VWA8: variants seen among roughly 807,000 people sequenced by gnomAD.
VWA8 encodes von Willebrand factor A domain containing 8.
In VWA8, 221 loss-of-function variants were observed where a neutral mutation model predicts 241.5. The observed-to-expected ratio is 0.91, with a 90% CI of 0.82 to 1.02. The LOEUF (loss-of-function observed/expected upper bound fraction) is 1.02. VWA8 is among the 50% of genes least tolerant of loss of function. VWA8 has a pLI of 0.00. For missense variants in VWA8, 2,322 were observed against 2,328.7 expected, an observed-to-expected ratio of 1.00 and a Z score of 0.06; for synonymous variants, 852 against 827.1, an observed-to-expected ratio of 1.03 and a Z score of -0.52.
At chr13:41,765,803 G>A (rs574200935) in intron 20 of VWA8, among the ~76,000 whole-genome samples, 11 of 152,142 alleles carry the variant, frequency 7.2e-5, no homozygotes, top group Non-Finnish European at 1.5e-4. Context: ...ACATGAAATT[G>A]ATAAATTTTT....
chr13:41,879,295 T>G (rs1874053596), intron 9 of VWA8, among the ~76,000 whole-genome samples: 1 of 151,952 alleles, frequency 6.6e-6, no homozygotes, highest in African/African-American at 2.4e-5. Context: ...CACATGGTTC[T>G]TAATATCCAC....
chr13:41,752,168 G>A (rs1342256231), intron 21 of VWA8, among the ~76,000 whole-genome samples: 1 of 152,010 alleles, frequency 6.6e-6, no homozygotes, highest in Non-Finnish European at 1.5e-5. Flanking sequence ...GTATGATCTG[G>A]ATCACCTCCT....
chr13:41,642,120 G>GT (rs1350763775), intron 37 of VWA8, among the ~76,000 whole-genome samples: 12 of 152,186 alleles, frequency 7.9e-5, no homozygotes, highest in African/African-American at 2.7e-4. Flanking sequence ...TCTTGGAGGA[G>GT]TTAATTATAC....
At chr13:41,849,745 G>C (rs1323268680) in intron 12 of VWA8, among the ~76,000 whole-genome samples, 1 of 152,050 alleles carries the variant, frequency 6.6e-6, no homozygotes, top group Non-Finnish European at 1.5e-5. Context: ...AAAGTGGCCG[G>C]GCACGATGGC....
chr13:41,866,882 T>A (rs1451777087), intron 10 of VWA8, among the ~76,000 whole-genome samples: 1 of 152,226 alleles, frequency 6.6e-6, no homozygotes, highest in Non-Finnish European at 1.5e-5. Context: ...TCTTCCCATC[T>A]TTTACATCTA....
At chr13:41,861,428 T>TA (rs1445553653) in intron 12 of VWA8, among the ~76,000 whole-genome samples, 4 of 152,122 alleles carry the variant, frequency 2.6e-5, no homozygotes, top group African/African-American at 9.7e-5. Flanking sequence ...CCATTCCTAT[T>TA]CAACATAGTA....
At chr13:41,879,096 T>A (rs1426259803) in intron 9 of VWA8, among the ~76,000 whole-genome samples, 1 of 152,184 alleles carries the variant, frequency 6.6e-6, no homozygotes, top group Non-Finnish European at 1.5e-5. Context: ...AGTCACGACC[T>A]TTGATCTTAA....
chr13:41,808,793 A>G (rs1448283712), intron 17 of VWA8, among the ~76,000 whole-genome samples: 7 of 152,220 alleles, frequency 4.6e-5, no homozygotes, highest in Non-Finnish European at 1.5e-5. Flanking sequence ...AAGTACTCAA[A>G]CTGGAAAGGA....
rs1340967701 is a variant in VWA8 at position 41,756,919 on chromosome 13, C to T, written c.2426+4209G>A. On this transcript the variant is annotated intron_variant, in intron 21 of 44. Transcript: ENST00000379310. Reference sequence around the variant, plus strand: ...TAAACACTATGCAATCAAAACAGCACAAACTCTGCTAAGAATGAACTGCAA... The same window carrying T: ...TAAACACTATGCAATCAAAACAGCATAAACTCTGCTAAGAATGAACTGCAA... Among the ~76,000 whole-genome samples, 14 of 151,728 alleles carry T rather than the reference C, an allele frequency of 9.2e-5. 1 individual carries two copies. Among genetic ancestry groups the T allele is most frequent in the Admixed American group, 9.2e-4 (14 of 15,174 alleles).
intron 40 of VWA8, among the ~76,000 whole-genome samples, chr13:41,597,308 T>C (rs1236783576): frequency 6.6e-6 from 1 of 152,148 alleles, no homozygotes; most frequent in Non-Finnish European, 1.5e-5. Flanking sequence ...AAAACTTTCA[T>C]ATTGAATTTA....
chr13:41,580,937 C>A (rs2044378178), intron 42 of VWA8, among the ~76,000 whole-genome samples: 1 of 152,278 alleles, frequency 6.6e-6, no homozygotes, highest in African/African-American at 2.4e-5. Flanking sequence ...TTTAGGAACA[C>A]CTAATGCCTT....
intron 37 of VWA8, among the ~76,000 whole-genome samples, chr13:41,640,849 G>A (rs1032760142): frequency 5.9e-5 from 9 of 152,136 alleles, no homozygotes; most frequent in South Asian, 4.1e-4. Flanking sequence ...CATCCTGATC[G>A]TAATAAAATC....
intron 2 of VWA8, among the ~76,000 whole-genome samples, chr13:41,927,953 A>G (rs1005242944): frequency 2.6e-5 from 4 of 152,214 alleles, no homozygotes; most frequent in African/African-American, 9.6e-5. Context: ...ATGAATGGCT[A>G]TACTAATATC....
intron 36 of VWA8, among the ~76,000 whole-genome samples, chr13:41,673,636 T>A (rs1323273528): frequency 6.6e-6 from 1 of 152,246 alleles, no homozygotes; most frequent in East Asian, 1.9e-4. Context: ...TGACTACATG[T>A]CAAAATAATA....
rs148607339 is a variant in VWA8 at position 41,950,007 on chromosome 13, G to A, written c.170C>T (p.Thr57Ile). ...HAGSGADTGD[T>I]VNIGDVSYKL... ...GTAGGATACATCTCCAATATTAACT[G>A]TATCACCTAAAAAGAGATTTTAAAA... Residue 57 changes from threonine (T) to isoleucine (I), a missense_variant, in exon 2 of 45, where the codon ACA becomes ATA. Thr to Ile is a moderately conservative substitution (Grantham distance 89). Coordinates refer to ENST00000379310, the MANE Select transcript of VWA8 (RefSeq NM_015058.2). 369 of 1,566,250 alleles carry A rather than the reference G, an allele frequency of 2.4e-4. 2 individuals carry two copies. The African/African-American group carries it at 2.5e-3, about 11-fold the overall frequency.
At chr13:41,572,924 A>G (rs567606297) in intron 43 of VWA8, among the ~76,000 whole-genome samples, 1 of 150,750 alleles carries the variant, frequency 6.6e-6, no homozygotes. Flanking sequence ...CCTGGCCGGC[A>G]TGGTGGAACC....
At chr13:41,757,644 T>A (rs1218178748) in intron 21 of VWA8, among the ~76,000 whole-genome samples, 1 of 151,676 alleles carries the variant, frequency 6.6e-6, no homozygotes. Context: ...CATCTTTATG[T>A]CCATGGATAC....
intron 16 of VWA8, among the ~76,000 whole-genome samples, chr13:41,815,060 A>C (rs142988892): frequency 6.6e-6 from 1 of 152,350 alleles, no homozygotes; most frequent in East Asian, 1.9e-4. Context: ...AAAGGTGACC[A>C]CCTGAGCAAA....
At chr13:41,686,334 G>A (rs1331848157) in intron 34 of VWA8, among the ~76,000 whole-genome samples, 5 of 152,110 alleles carry the variant, frequency 3.3e-5, no homozygotes, top group South Asian at 2.1e-4. Flanking sequence ...ATCAGTACTT[G>A]GTATTGTCAG....
Sources: allele counts gnomAD v4.1 joint callset (sites outside exome capture counted in the v4.1 genomes callset), GRCh38; gene constraint gnomAD v4.1.1; transcripts MANE v1.5; gene names NCBI Gene and HGNC (gene_info 2026-07-23, HGNC 2026-07-21).